The following SENP7 variants were observed in gnomAD, a reference collection of about 807,000 sequenced individuals.
SENP7 encodes SUMO specific peptidase 7.
In SENP7, 64 loss-of-function variants were observed where a neutral mutation model predicts 141.2. The ratio of observed to expected loss-of-function variants is 0.45; its 90% CI spans 0.37 to 0.56. SENP7 has a LOEUF of 0.56. Among genes scored for constraint, SENP7 ranks in the 20% least tolerant of loss-of-function variants. The pLI is 0.00. For missense variants in SENP7, 1,025 were observed against 1,212.2 expected, an observed-to-expected ratio of 0.85 and a Z score of 2.29; for synonymous variants, 382 against 426.4, an observed-to-expected ratio of 0.90 and a Z score of 1.28.
chr3:101,358,078 T>C (rs1262173886), intron 11 of SENP7: 8 of 606,000 alleles, frequency 1.3e-5, no homozygotes, highest in East Asian at 1.1e-4. Flanking sequence ...AGATAATTCA[T>C]AGAAACTCTA....
chr3:101,469,424 T>C (rs75253645), intron 3 of SENP7, among the ~76,000 whole-genome samples: 1 of 152,032 alleles, frequency 6.6e-6, no homozygotes, highest in African/African-American at 2.4e-5. Context: ...CTACAGAACT[T>C]TCCACCCCAA....
At chr3:101,450,917 G>T (rs1295822565) in intron 4 of SENP7, among the ~76,000 whole-genome samples, 3 of 152,066 alleles carry the variant, frequency 2.0e-5, no homozygotes, top group Admixed American at 2.0e-4. Context: ...AAAAATAAAT[G>T]AATCCAGGAG....
chr3:101,475,106 A>C (rs1414374342), intron 3 of SENP7, among the ~76,000 whole-genome samples: 1 of 152,192 alleles, frequency 6.6e-6, no homozygotes, highest in East Asian at 1.9e-4. Context: ...ATAGGCATTA[A>C]GTTACCAAAA....
At chr3:101,426,796 T>G (rs973131358) in intron 4 of SENP7, among the ~76,000 whole-genome samples, 4 of 152,170 alleles carry the variant, frequency 2.6e-5, no homozygotes, top group Admixed American at 6.5e-5. Context: ...AAGATTCTTT[T>G]CAGACAAGCA....
chr3:101,467,420 G>A lies in SENP7; in HGVS notation c.187-8368C>T, dbSNP rs374523533. 2.6e-5 allele frequency among the ~76,000 whole-genome samples: 4 copies of A among 152,210 alleles called. No homozygotes were observed. The East Asian group carries it at 7.7e-4, about 29-fold the overall frequency. On this transcript the variant is annotated intron_variant, in intron 3 of 23. Coordinates refer to ENST00000394095, the MANE Select transcript of SENP7 (RefSeq NM_020654.5). ...CCCCAGTGTAGCCTAACTGGGAGACGCCTCCCATTAGGGGATGACAGACAC... is the reference window on the plus strand; with the variant it reads ...CCCCAGTGTAGCCTAACTGGGAGACACCTCCCATTAGGGGATGACAGACAC...
intron 11 of SENP7, chr3:101,358,221 C>A: frequency 1.2e-6 from 1 of 807,262 alleles, no homozygotes; most frequent in Non-Finnish European, 1.9e-6. Context: ...TCAAGCCTCA[C>A]TAAACATAAG....
At chr3:101,455,585 T>C (rs2107857605) in intron 4 of SENP7, among the ~76,000 whole-genome samples, 1 of 152,212 alleles carries the variant, frequency 6.6e-6, no homozygotes, top group South Asian at 2.1e-4. Context: ...ATACAAATTA[T>C]GTAAGCTCAT....
At chr3:101,482,415 A>C (rs2064531321) in intron 3 of SENP7, among the ~76,000 whole-genome samples, 1 of 152,210 alleles carries the variant, frequency 6.6e-6, no homozygotes, top group Non-Finnish European at 1.5e-5. Flanking sequence ...AAGAAATCAA[A>C]GAACCAAATA....
At chr3:101,410,731 G>C (rs1428557324) in intron 5 of SENP7, among the ~76,000 whole-genome samples, 1 of 152,030 alleles carries the variant, frequency 6.6e-6, no homozygotes, top group Non-Finnish European at 1.5e-5. Context: ...TGCGATCCCA[G>C]CTACTCGGGA....
At chr3:101,494,935 A>C (rs1475792747) in intron 2 of SENP7, among the ~76,000 whole-genome samples, 2 of 152,220 alleles carry the variant, frequency 1.3e-5, no homozygotes, top group East Asian at 3.8e-4. Flanking sequence ...AAAAGCAAAA[A>C]TTGATAAATG....
At chr3:101,453,349 A>G (rs2063221659) in intron 4 of SENP7, among the ~76,000 whole-genome samples, 1 of 152,256 alleles carries the variant, frequency 6.6e-6, no homozygotes, top group African/African-American at 2.4e-5. Flanking sequence ...CATTTGACCC[A>G]GCCATCCCAC....
At chr3:101,419,716 C>G (rs1466814408) in intron 4 of SENP7, among the ~76,000 whole-genome samples, 1 of 152,106 alleles carries the variant, frequency 6.6e-6, no homozygotes, top group African/African-American at 2.4e-5. Flanking sequence ...TTATGGGAAG[C>G]ACGTAAGGGT....
At chr3:101,444,031 A>T (rs1253871756) in intron 4 of SENP7, among the ~76,000 whole-genome samples, 1 of 145,954 alleles carries the variant, frequency 6.9e-6, no homozygotes, top group South Asian at 2.3e-4. Context: ...CAATGAACTC[A>T]AACAAATTTA....
At chr3:101,419,122 G>A (rs2061709739) in intron 4 of SENP7, among the ~76,000 whole-genome samples, 1 of 152,170 alleles carries the variant, frequency 6.6e-6, no homozygotes, top group Non-Finnish European at 1.5e-5. Context: ...AAGTCTCAAA[G>A]AAGGACAGGC....
In SENP7 at chr3:101,337,395, A is replaced by G. The variant is rs1007816066; in HGVS notation, c.2480+114T>C. On this transcript the variant is annotated intron_variant, in intron 17 of 23. Transcript: ENST00000394095. ...CATGGCAAACAGACCCAGGACCTGA[A>G]CAAATGGTAGTACTGCCTACTTGAG... The G allele has an allele frequency of 8.6e-5, 57 of 663,970 alleles. No individual in the cohort carries two copies. In the Admixed American group the frequency reaches 2.0e-3, roughly 24 times the overall value. The allele number at this position is 663,970 out of a possible 1,614,324, so 41.1% of individuals were successfully genotyped here.
At chr3:101,426,128 A>T (rs1439575858) in intron 4 of SENP7, among the ~76,000 whole-genome samples, 5 of 152,190 alleles carry the variant, frequency 3.3e-5, no homozygotes, top group Non-Finnish European at 7.3e-5. Context: ...CTAGTCAGAG[A>T]GGCCAACATT....
At chr3:101,371,099 G>A (rs1409828159) in intron 7 of SENP7, among the ~76,000 whole-genome samples, 1 of 152,104 alleles carries the variant, frequency 6.6e-6, no homozygotes, top group African/African-American at 2.4e-5. Flanking sequence ...AGACCAGCCT[G>A]GGCAACACGG....
rs1381260643 is a variant in SENP7 at position 101,457,229 on chromosome 3, A to C, written c.284+1726T>G. 1.9e-6 allele frequency: 3 copies of C among 1,577,468 alleles called. No homozygotes were observed. In the African/African-American group the frequency reaches 4.0e-5, roughly 21 times the overall value. On this transcript the variant is annotated intron_variant, in intron 4 of 23. Transcript: ENST00000394095. ...AACTTCTTCAAGTTTTATCTTCAGAAGTTGACTCAATTCAGTTTGCCTCAT... is the reference window on the plus strand; with the variant it reads ...AACTTCTTCAAGTTTTATCTTCAGACGTTGACTCAATTCAGTTTGCCTCAT...
chr3:101,446,095 G>A (rs1219584824), intron 4 of SENP7, among the ~76,000 whole-genome samples: 1 of 152,126 alleles, frequency 6.6e-6, no homozygotes, highest in Non-Finnish European at 1.5e-5. Flanking sequence ...TAGTGAGTGA[G>A]TTCTAACGAA....
Sources: gnomAD v4.1 joint callset for allele counts (sites outside exome capture counted in the v4.1 genomes callset) on GRCh38, gnomAD v4.1.1 for gene constraint, MANE v1.5 for transcripts, NCBI Gene and HGNC (gene_info 2026-07-23, HGNC 2026-07-21) for gene names.